The following MB21D2 variants were observed in gnomAD, a reference collection of about 807,000 sequenced individuals.
MB21D2 encodes Mab-21 domain containing 2, also known as nucleotidyltransferase MB21D2.
A neutral mutation model predicts 33.3 loss-of-function variants in MB21D2; 9 were observed. That is an observed-to-expected ratio of 0.27 (90% CI 0.16 to 0.47). The LOEUF (loss-of-function observed/expected upper bound fraction) is 0.47. Ranked by LOEUF, MB21D2 falls within the 20% of genes least tolerant of loss-of-function variation. MB21D2 has a pLI of 0.99. For missense variants in MB21D2, 540 were observed against 624.6 expected (o/e 0.86, Z 1.44); for synonymous variants, 241 against 236.3 (o/e 1.02, Z -0.18).
intron 1 of MB21D2, among the ~76,000 whole-genome samples, chr3:192,849,710 A>AT: frequency 6.6e-6 from 1 of 152,270 alleles, no homozygotes; most frequent in South Asian, 2.1e-4. Flanking sequence ...ATTCTATTAA[A>AT]TAAAAAAAAC....
chr3:192,841,416 C>T (rs554484904), intron 1 of MB21D2, among the ~76,000 whole-genome samples: 1 of 152,362 alleles, frequency 6.6e-6, no homozygotes, highest in African/African-American at 2.4e-5. Context: ...TTATAAAAGG[C>T]ATTGCAGCTT....
intron 1 of MB21D2, among the ~76,000 whole-genome samples, chr3:192,867,861 A>T (rs953972629): frequency 6.6e-6 from 1 of 152,124 alleles, no homozygotes; most frequent in Admixed American, 6.5e-5. Flanking sequence ...GATCTTCCGC[A>T]TAAGGAAGCT....
intron 1 of MB21D2, among the ~76,000 whole-genome samples, chr3:192,902,429 T>C (rs1158183085): frequency 1.3e-5 from 2 of 152,176 alleles, no homozygotes; most frequent in Non-Finnish European, 2.9e-5. Context: ...ATCTATAAAG[T>C]GCGGACAGGT....
At chr3:192,898,776 C>G (rs569824495) in intron 1 of MB21D2, among the ~76,000 whole-genome samples, 1 of 152,322 alleles carries the variant, frequency 6.6e-6, no homozygotes, top group Admixed American at 6.5e-5. Context: ...ACTAAGAAAC[C>G]TGTGACGCTA....
At chr3:192,905,996 C>T (rs1022815964) in intron 1 of MB21D2, among the ~76,000 whole-genome samples, 24 of 152,194 alleles carry the variant, frequency 1.6e-4, no homozygotes, top group South Asian at 1.0e-3. Flanking sequence ...AAAACAGATA[C>T]AATAATAATA....
chr3:192,834,265 C>T (rs1712382560), intron 1 of MB21D2, among the ~76,000 whole-genome samples: 1 of 149,954 alleles, frequency 6.7e-6, no homozygotes, highest in Non-Finnish European at 1.5e-5. Context: ...TGCAGTGAGC[C>T]AAGATCATGC....
At chr3:192,874,347 G>A (rs6785371) in intron 1 of MB21D2, among the ~76,000 whole-genome samples, 93,076 of 152,080 alleles carry the variant, frequency 0.61, 30,372 homozygotes, top group African/African-American at 0.84. Context: ...CTAGAATCAA[G>A]GTCCATTCTC....
chr3:192,799,680 A>G lies in MB21D2; in HGVS notation c.212-30T>C, dbSNP rs763770628. On this transcript the variant is annotated intron_variant, in intron 1 of 1. Coordinates refer to ENST00000392452, the MANE Select transcript of MB21D2 (RefSeq NM_178496.4). This position sits in a 1 kb window ranked among gnomAD's most constrained non-coding sequence, Gnocchi z 4.1. ...AAATAAAGAAGAAAAAAACAACACTATTACAGGAAACACAGACATAAGAGT... is the reference window on the plus strand; with the variant it reads ...AAATAAAGAAGAAAAAAACAACACTGTTACAGGAAACACAGACATAAGAGT... The G allele has an allele frequency of 1.0e-5, 16 of 1,589,294 alleles. No individual in the cohort carries two copies. The highest frequency in any genetic ancestry group is 4.3e-6 in the Non-Finnish European group (5 of 1,169,746).
chr3:192,853,798 ACTGCAGG>A (rs1279027088), intron 1 of MB21D2, among the ~76,000 whole-genome samples: 1 of 151,998 alleles, frequency 6.6e-6, no homozygotes, highest in Non-Finnish European at 1.5e-5. Context: ...CACTTTTCCA[ACTGCAGG>A]GTTCACATGC....
At chr3:192,844,741 A>G (rs779415821) in intron 1 of MB21D2, among the ~76,000 whole-genome samples, 2 of 151,970 alleles carry the variant, frequency 1.3e-5, no homozygotes, top group Non-Finnish European at 2.9e-5. Flanking sequence ...CATCAACCTG[A>G]CCCCTTCTTC....
At position 192,878,475 on chromosome 3, in the gene MB21D2, T is replaced by C. The variant is rs141030737; in HGVS notation, c.211+39155A>G. 4.2e-3 allele frequency among the ~76,000 whole-genome samples: 639 copies of C among 152,354 alleles called. 1 individual carries two copies. Among genetic ancestry groups the C allele is most frequent in the African/African-American group, 0.015 (610 of 41,578 alleles). On this transcript the variant is annotated intron_variant, in intron 1 of 1. Transcript: ENST00000392452. ...TTACTTTCAATAGAATAAAGACTTA[T>C]TCAGCAGCATCTTCTGGTCTAGTTT... is the stretch of plus-strand genomic sequence containing the variant.
chr3:192,798,339 A>G lies in MB21D2; in HGVS notation c.*47T>C, dbSNP rs755291907. ...AAGATAGCATCACAAACCACACGAC[A>G]CATTATCAGAGTTTAAGAATCAGGA... On this transcript the variant is annotated 3_prime_UTR_variant, in exon 2 of 2. Coordinates refer to ENST00000392452, the MANE Select transcript of MB21D2 (RefSeq NM_178496.4). This position sits in a 1 kb window ranked among gnomAD's most constrained non-coding sequence, Gnocchi z 4.8. 3 of 1,581,156 alleles carry G rather than the reference A, an allele frequency of 1.9e-6. No individual in the cohort carries two copies. The South Asian group carries it at 3.4e-5, about 18-fold the overall frequency.
intron 1 of MB21D2, among the ~76,000 whole-genome samples, chr3:192,869,581 G>A (rs192223295): frequency 2.6e-5 from 4 of 152,238 alleles, no homozygotes; most frequent in Non-Finnish European, 4.4e-5. Context: ...GTCACAGTTG[G>A]GTTTCCTGGC....
chr3:192,873,872 T>C (rs1713373036), intron 1 of MB21D2, among the ~76,000 whole-genome samples: 1 of 152,086 alleles, frequency 6.6e-6, no homozygotes, highest in African/African-American at 2.4e-5. Flanking sequence ...CTGGTAATTG[T>C]TGTAGTTTTA....
At chr3:192,884,567 C>A (rs1382306474) in intron 1 of MB21D2, among the ~76,000 whole-genome samples, 1 of 151,982 alleles carries the variant, frequency 6.6e-6, no homozygotes, top group Non-Finnish European at 1.5e-5. Flanking sequence ...CGGGGTTTCA[C>A]CGTGTTAGCC....
At chr3:192,875,216 G>A (rs1713404364) in intron 1 of MB21D2, among the ~76,000 whole-genome samples, 1 of 152,104 alleles carries the variant, frequency 6.6e-6, no homozygotes, top group African/African-American at 2.4e-5. Context: ...GTAATGTGTT[G>A]TGCATGCAGC....
intron 1 of MB21D2, among the ~76,000 whole-genome samples, chr3:192,898,847 G>T (rs1470472763): frequency 6.6e-6 from 1 of 152,178 alleles, no homozygotes; most frequent in Non-Finnish European, 1.5e-5. Flanking sequence ...CCAAGAAGTG[G>T]AGATTTGACA....
intron 1 of MB21D2, among the ~76,000 whole-genome samples, chr3:192,807,042 GT>G (rs550526085): frequency 2.0e-5 from 3 of 152,298 alleles, no homozygotes; most frequent in African/African-American, 7.2e-5. Context: ...TTAGTGTGTA[GT>G]TTTGTGCTTA....
intron 1 of MB21D2, among the ~76,000 whole-genome samples, chr3:192,900,023 G>A (rs13069487): frequency 0.51 from 77,497 of 151,220 alleles, 19,924 homozygotes; most frequent in South Asian, 0.53. Context: ...AGTGGCTCAC[G>A]CCTGTAATCC....
Sources: gnomAD v4.1 joint callset for allele counts (sites outside exome capture counted in the v4.1 genomes callset) on GRCh38, gnomAD v4.1.1 for gene constraint, Gnocchi (gnomAD v3.1) non-coding constraint, MANE v1.5 for transcripts, NCBI Gene and HGNC (gene_info 2026-07-23, HGNC 2026-07-21) for gene names.